The following BNC2 variants were observed in gnomAD, a reference collection of about 807,000 sequenced individuals.
BNC2 encodes zinc finger protein basonuclin-2.
Under a neutral mutation model 76.3 loss-of-function variants are expected in BNC2, and 20 were observed. The ratio of observed to expected loss-of-function variants is 0.26; its 90% confidence interval spans 0.18 to 0.38. The LOEUF (loss-of-function observed/expected upper bound fraction) is 0.38, where lower values mean the gene tolerates loss of function less well. Among genes scored for constraint, BNC2 ranks in the 10% least tolerant of loss-of-function variants. The probability of loss-of-function intolerance (pLI) is 1.00; values close to 1 mark genes in which losing one functional copy is unlikely to be tolerated. For synonymous variants in BNC2, 582 were observed against 514.8 expected, an observed-to-expected ratio of 1.13 and a Z score of -1.77; for missense variants, 1,382 against 1,399.8, an observed-to-expected ratio of 0.99 and a Z score of 0.20.
chr9:16,767,986 G>C (rs1249135852), intron 1 of BNC2, among the ~76,000 whole-genome samples: 5 of 136,624 alleles, frequency 3.7e-5, no homozygotes, highest in Admixed American at 2.3e-4. Flanking sequence ...TTTTTTTTTA[G>C]ATGAAGTTTT....
chr9:16,781,733 T>A (rs541321790), intron 1 of BNC2, among the ~76,000 whole-genome samples: 1 of 152,188 alleles, frequency 6.6e-6, no homozygotes, highest in African/African-American at 2.4e-5. Flanking sequence ...GGAAAATATA[T>A]AATAAATGAT....
intron 5 of BNC2, among the ~76,000 whole-genome samples, chr9:16,538,869 T>C (rs1818208099): frequency 1.3e-5 from 2 of 152,182 alleles, no homozygotes; most frequent in Admixed American, 1.3e-4. Context: ...AAAGAGTCTA[T>C]TTACATATAA....
chr9:16,595,759 G>A (rs1820049098), intron 3 of BNC2, among the ~76,000 whole-genome samples: 1 of 152,072 alleles, frequency 6.6e-6, no homozygotes, highest in African/African-American at 2.4e-5. Context: ...TAAAGAGAAA[G>A]ACAGGAAAAA....
chr9:16,484,336 G>A (rs1219603095), intron 5 of BNC2, among the ~76,000 whole-genome samples: 3 of 152,146 alleles, frequency 2.0e-5, no homozygotes, highest in Non-Finnish European at 2.9e-5. Flanking sequence ...TGCTCGAGGC[G>A]AAGATGCCAC....
chr9:16,725,215 T>TCACACA (rs1184662562), intron 3 of BNC2, among the ~76,000 whole-genome samples: 104 of 59,582 alleles, frequency 1.7e-3, no homozygotes, highest in East Asian at 6.1e-3. Flanking sequence ...AGTCTCTCTC[T>TCACACA]CTCACACACA....
At chr9:16,867,669 C>G (rs532494786) in intron 1 of BNC2, 3 of 152,002 alleles carry the variant, frequency 2.0e-5, no homozygotes, top group Non-Finnish European at 4.4e-5. Context: ...CCAGGAACAA[C>G]AACAAAAAGA....
At chr9:16,421,237 C>A (rs1820703451) in intron 6 of BNC2, 1 of 1,292,182 alleles carries the variant, frequency 7.7e-7, no homozygotes, top group African/African-American at 1.5e-5. Flanking sequence ...CCCTCTCCAA[C>A]TGCACTTAGG....
chr9:16,728,121 G>A (rs1824404351), intron 2 of BNC2, 124 bp from the exon 3 acceptor site: 3 of 596,274 alleles, frequency 5.0e-6, no homozygotes, highest in African/African-American at 1.9e-5. Context: ...GAGGGAGGGG[G>A]TCAGAGCTTC....
chr9:16,560,659 T>A (rs933240914), intron 4 of BNC2, among the ~76,000 whole-genome samples: 1 of 152,190 alleles, frequency 6.6e-6, no homozygotes, highest in African/African-American at 2.4e-5. Flanking sequence ...GCCCAGGAGT[T>A]CCAGGCTGCA....
intron 3 of BNC2, among the ~76,000 whole-genome samples, chr9:16,668,876 T>C (rs1405395360): frequency 6.6e-6 from 1 of 152,294 alleles, no homozygotes; most frequent in African/African-American, 2.4e-5. Context: ...AGCACGTCTC[T>C]CCCAGGGTGA....
intron 3 of BNC2, among the ~76,000 whole-genome samples, chr9:16,655,730 C>G (rs1486246731): frequency 6.6e-6 from 1 of 152,172 alleles, no homozygotes; most frequent in Non-Finnish European, 1.5e-5. Flanking sequence ...CAAAGCAAAG[C>G]CTTTTATCAA....
chr9:16,498,300 T>C (rs1443170934), intron 5 of BNC2, among the ~76,000 whole-genome samples: 2 of 147,506 alleles, frequency 1.4e-5, no homozygotes, highest in East Asian at 2.0e-4. Context: ...TTCCATCATA[T>C]ATATATATGA....
At position 16,415,675 on chromosome 9, in the gene BNC2, A is replaced by G. The variant is rs1820571302; in HGVS notation, c.*3314T>C. ...TTAACTAGAATTCTAGTTAAGTCAA[A>G]ACAAGACACTCAGGCACACACTCAA... On this transcript the variant is annotated 3_prime_UTR_variant, in exon 7 of 7. Coordinates refer to ENST00000380672, the MANE Select transcript of BNC2 (RefSeq NM_017637.6). The G allele has an allele frequency of 6.6e-6, 1 of 152,186 alleles. No individual in the cohort carries two copies. The highest frequency in any genetic ancestry group is 1.5e-5 in the Non-Finnish European group (1 of 68,030). 9.4% of individuals were successfully genotyped at this position (152,186 alleles called of 1,614,324 possible). A position where few individuals can be genotyped will look rare whatever the true frequency, so the allele number is the denominator to read the frequency against.
intron 4 of BNC2, among the ~76,000 whole-genome samples, chr9:16,573,924 C>T (rs1819407976): frequency 6.6e-6 from 1 of 152,158 alleles, no homozygotes; most frequent in Admixed American, 6.5e-5. Context: ...TCCCAGAATA[C>T]AATTCAGAGT....
intron 4 of BNC2, among the ~76,000 whole-genome samples, chr9:16,556,443 C>T (rs1818833621): frequency 6.6e-6 from 1 of 151,676 alleles, no homozygotes; most frequent in African/African-American, 2.4e-5. Context: ...GAAGCAGTTA[C>T]CTAGGAGATG....
intron 1 of BNC2, among the ~76,000 whole-genome samples, chr9:16,739,579 G>A (rs1001598491): frequency 6.6e-6 from 1 of 152,238 alleles, no homozygotes; most frequent in East Asian, 1.9e-4. Flanking sequence ...AGCTGAGGCA[G>A]AGGAATCACT....
Position 16,582,894 on chromosome 9 carries a change from C to CACACACACACACACACACACACAA in BNC2, c.433+88_433+89insTTGTGTGTGTGTGTGTGTGTGTGT, listed in dbSNP as rs1563849819. ...CAGGCCAGTGACTCCTCTAAACAGA[C>CACACACACACACACACACACACAA]ACACACACACACACACACACACACA... On this transcript the variant is annotated intron_variant, in intron 4 of 6. Transcript: ENST00000380672. 8.5e-6 allele frequency: 4 copies of CACACACACACACACACACACACAA among 468,982 alleles called. No homozygotes were observed. In the African/African-American group the frequency reaches 1.0e-4, roughly 12 times the overall value. The allele number at this position is 468,982 out of a possible 1,614,324, so 29.1% of individuals were successfully genotyped here. A position where few individuals can be genotyped will look rare whatever the true frequency, so the allele number is the denominator to read the frequency against.
At chr9:16,491,308 G>C (rs1239459602) in intron 5 of BNC2, among the ~76,000 whole-genome samples, 1 of 152,180 alleles carries the variant, frequency 6.6e-6, no homozygotes, top group African/African-American at 2.4e-5. Context: ...AATCAAGTAA[G>C]ATCCTTCCAC....
chr9:16,505,292 C>A (rs928019169), intron 5 of BNC2, among the ~76,000 whole-genome samples: 1 of 152,170 alleles, frequency 6.6e-6, no homozygotes, highest in South Asian at 2.1e-4. Flanking sequence ...CTGCTTGGGG[C>A]CCAGTACTGA....
Sources: allele counts gnomAD v4.1 joint callset (sites outside exome capture counted in the v4.1 genomes callset), GRCh38; gene constraint gnomAD v4.1.1; transcripts MANE v1.5; gene names NCBI Gene and HGNC (gene_info 2026-07-23, HGNC 2026-07-21).